The following KCNK10 variants were observed in gnomAD, a reference collection of about 807,000 sequenced individuals.
KCNK10 encodes potassium channel subfamily K member 10.
In KCNK10, 25 loss-of-function variants were observed where a neutral mutation model predicts 47.7. That is an observed-to-expected ratio of 0.52 (90% CI 0.38 to 0.73). The LOEUF is 0.73. KCNK10 is among the 30% of genes least tolerant of loss of function. The probability of loss-of-function intolerance (pLI) is 0.00; values close to 1 mark genes in which losing one functional copy is unlikely to be tolerated. For synonymous variants in KCNK10, 303 were observed against 285.6 expected (o/e 1.06, Z -0.61); for missense variants, 563 against 714.5 (o/e 0.79, Z 2.42).
At chr14:88,239,861 AAAAATAAAATAAAATAAAAT>A (rs147985522) in intron 3 of KCNK10, among the ~76,000 whole-genome samples, 4 of 144,584 alleles carry the variant, frequency 2.8e-5, no homozygotes, top group African/African-American at 7.7e-5. Flanking sequence ...CTCCATCTCA[AAAAATAAAATAAAATAAAAT>A]AAAATAAAAT....
intron 4 of KCNK10, among the ~76,000 whole-genome samples, chr14:88,212,049 G>T (rs1885474263): frequency 6.7e-6 from 1 of 149,886 alleles, no homozygotes; most frequent in Non-Finnish European, 1.5e-5. Context: ...CCTTCTGAAG[G>T]TTAAAAATAT....
chr14:88,302,665 G>A (rs552900875), intron 1 of KCNK10, among the ~76,000 whole-genome samples: 124 of 152,256 alleles, frequency 8.1e-4, no homozygotes, highest in Middle Eastern at 6.8e-3. Flanking sequence ...AATTGAGATC[G>A]TGCCACTGCA....
chr14:88,303,562 G>C (rs7151421), intron 1 of KCNK10, among the ~76,000 whole-genome samples: 2 of 151,664 alleles, frequency 1.3e-5, no homozygotes. Context: ...CCATGTATAC[G>C]CTAGTAGGAA....
intron 1 of KCNK10, among the ~76,000 whole-genome samples, chr14:88,280,370 A>G (rs1887623358): frequency 1.3e-5 from 2 of 152,082 alleles, no homozygotes. Flanking sequence ...TCTTCTGCCT[A>G]AACACTGGAC....
intron 4 of KCNK10, among the ~76,000 whole-genome samples, chr14:88,212,398 C>T (rs934159670): frequency 6.6e-6 from 1 of 151,752 alleles, no homozygotes; most frequent in African/African-American, 2.4e-5. Context: ...CAAGATCGCA[C>T]CATTGCACTC....
At chr14:88,297,143 AT>A (rs1484034421) in intron 1 of KCNK10, among the ~76,000 whole-genome samples, 1 of 152,224 alleles carries the variant, frequency 6.6e-6, no homozygotes, top group African/African-American at 2.4e-5. Flanking sequence ...GTAAATAAAT[AT>A]TTGTAAATGA....
chr14:88,226,254 A>C (rs571767656), intron 4 of KCNK10, among the ~76,000 whole-genome samples: 1 of 152,344 alleles, frequency 6.6e-6, no homozygotes, highest in East Asian at 1.9e-4. Flanking sequence ...TCACCCAGCT[A>C]TGGTGCCTCG....
intron 3 of KCNK10, among the ~76,000 whole-genome samples, chr14:88,234,604 G>A (rs1417520799): frequency 6.6e-6 from 1 of 152,204 alleles, no homozygotes; most frequent in Non-Finnish European, 1.5e-5. Context: ...CAATAAGGCA[G>A]GGAGTTCCTC....
rs114211614 is a variant in KCNK10 at position 88,273,413 on chromosome 14, C to T, written c.53-9862G>A. The stretch of plus-strand genomic sequence containing the variant: ...TTGCTGTTTTTACCACTTTCTATCT[C>T]GGGCTGCCAGGAAACCCTGTTCAAC... On this transcript the variant is annotated intron_variant, in intron 1 of 6. Coordinates refer to ENST00000319231, the MANE Select transcript of KCNK10 (RefSeq NM_138317.3). 4.7e-3 allele frequency among the ~76,000 whole-genome samples: 709 copies of T among 152,318 alleles called. 4 individuals carry two copies. Among genetic ancestry groups the T allele is most frequent in the African/African-American group, 0.016 (666 of 41,560 alleles).
intron 1 of KCNK10, among the ~76,000 whole-genome samples, chr14:88,286,941 G>A (rs576447593): frequency 4.2e-4 from 64 of 152,190 alleles, no homozygotes; most frequent in Admixed American, 1.3e-3. Flanking sequence ...TGCACCCTAC[G>A]GAGAAAATAA....
intron 1 of KCNK10, among the ~76,000 whole-genome samples, chr14:88,281,566 T>C (rs1465366123): frequency 6.6e-6 from 1 of 152,048 alleles, no homozygotes; most frequent in Admixed American, 6.6e-5. Flanking sequence ...AGGGGAATTA[T>C]ACCATTGGCT....
intron 3 of KCNK10, among the ~76,000 whole-genome samples, chr14:88,236,039 G>A (rs1289123990): frequency 6.6e-6 from 1 of 152,222 alleles, no homozygotes; most frequent in African/African-American, 2.4e-5. Flanking sequence ...TGTAAAGCCA[G>A]GCGTGGTGGC....
At chr14:88,308,253 T>A (rs1174799278) in intron 1 of KCNK10, among the ~76,000 whole-genome samples, 3 of 152,146 alleles carry the variant, frequency 2.0e-5, no homozygotes, top group Non-Finnish European at 4.4e-5. Flanking sequence ...TTCCAGCCAC[T>A]CAGCTGAGAG....
intron 4 of KCNK10, among the ~76,000 whole-genome samples, chr14:88,220,798 A>G (rs975487666): frequency 4.6e-5 from 7 of 152,126 alleles, no homozygotes; most frequent in African/African-American, 1.7e-4. Context: ...GACCTTGAGT[A>G]TGCCAATTAC....
intron 1 of KCNK10, among the ~76,000 whole-genome samples, chr14:88,268,239 A>C (rs1419022419): frequency 6.6e-6 from 1 of 152,200 alleles, no homozygotes; most frequent in East Asian, 1.9e-4. Context: ...TGTCTCCCAG[A>C]AACAATCCTG....
At chr14:88,264,764 G>GC (rs1411018577) in intron 1 of KCNK10, among the ~76,000 whole-genome samples, 1 of 152,150 alleles carries the variant, frequency 6.6e-6, no homozygotes, top group Non-Finnish European at 1.5e-5. Context: ...TTACACAAAC[G>GC]CAAAATTGCC....
intron 4 of KCNK10, among the ~76,000 whole-genome samples, chr14:88,197,497 C>A (rs1235656900): frequency 1.4e-5 from 2 of 138,366 alleles, no homozygotes; most frequent in Non-Finnish European, 3.0e-5. Context: ...TCACTTGAAC[C>A]CGGGAGGCAG....
At chr14:88,324,518 A>G (rs138980512), upstream of KCNK10, among the ~76,000 whole-genome samples, 125 of 152,306 alleles carry the variant, frequency 8.2e-4, 2 homozygotes, top group East Asian at 0.024. Flanking sequence ...TTTGTTGTTC[A>G]TTCAACATAT....
intron 1 of KCNK10, among the ~76,000 whole-genome samples, chr14:88,270,264 A>G (rs933025460): frequency 6.6e-6 from 1 of 152,158 alleles, no homozygotes; most frequent in Admixed American, 6.5e-5. Flanking sequence ...AGAGGGCAGG[A>G]AAGATGAGGA....
Sources: gnomAD v4.1 joint callset for allele counts (sites outside exome capture counted in the v4.1 genomes callset) on GRCh38, gnomAD v4.1.1 for gene constraint, MANE v1.5 for transcripts, NCBI Gene and HGNC (gene_info 2026-07-23, HGNC 2026-07-21) for gene names.